Variants in SLC41A3 observed in about 807,000 individuals in gnomAD.
SLC41A3 encodes the protein SLC41A1-like 2.
In SLC41A3, 44 loss-of-function variants were observed where a neutral mutation model predicts 45.4. The observed-to-expected ratio is 0.97, with a 90% confidence interval of 0.76 to 1.25. The LOEUF (loss-of-function observed/expected upper bound fraction) is 1.25. Among genes scored for constraint, SLC41A3 ranks in the 50% most tolerant of loss-of-function variants. The pLI is 0.00. For missense variants in SLC41A3, 550 were observed against 600.6 expected (o/e 0.92, Z 0.88); for synonymous variants, 256 against 252.4 (o/e 1.01, Z -0.13).
chr3:126,100,207 TC>T (rs5852469), intron 1 of SLC41A3, among the ~76,000 whole-genome samples: 93,208 of 151,628 alleles, frequency 0.61, 29,161 homozygotes, highest in African/African-American at 0.73. Context: ...TCCCCCTCCC[TC>T]CCCCTCTTGC....
intron 3 of SLC41A3, among the ~76,000 whole-genome samples, chr3:126,050,615 T>C (rs1340245731): frequency 6.6e-6 from 1 of 152,084 alleles, no homozygotes; most frequent in African/African-American, 2.4e-5. Context: ...TGTGAACGTG[T>C]GATGGGGCTG....
chr3:126,080,766 C>T (rs1246380723), intron 1 of SLC41A3, among the ~76,000 whole-genome samples: 1 of 152,168 alleles, frequency 6.6e-6, no homozygotes, highest in Non-Finnish European at 1.5e-5. Context: ...GCCTGGCCAA[C>T]ATGCCAAAAC....
rs78489305 is a variant in SLC41A3, at chr3:126,065,613, C to T, written c.273+2334G>A. 0.01 allele frequency among the ~76,000 whole-genome samples: 1,588 copies of T among 152,268 alleles called. 59 individuals carry two copies. In the East Asian group the frequency reaches 0.15, roughly 14 times the overall value. ...TCTCTAATATGTGCTGCCCTGTGCA[C>T]GCACATGGGCAGATGGGCACCTGTA... On this transcript the variant is annotated intron_variant, in intron 2 of 10. Transcript: ENST00000360370.
intron 1 of SLC41A3, among the ~76,000 whole-genome samples, chr3:126,070,699 G>C (rs973345904): frequency 6.6e-6 from 1 of 152,094 alleles, no homozygotes; most frequent in Admixed American, 6.6e-5. Flanking sequence ...AACAGACACA[G>C]AGCATTCGTC....
intron 10 of SLC41A3, 38 bp downstream of exon 10, chr3:126,008,694 C>T (rs760228263): frequency 1.2e-6 from 2 of 1,605,374 alleles, no homozygotes; most frequent in South Asian, 1.1e-5. Flanking sequence ...TGGCTGACTA[C>T]ACAGCTGCGC....
At chr3:126,018,952 C>T (rs920396209) in intron 6 of SLC41A3, among the ~76,000 whole-genome samples, 2 of 152,360 alleles carry the variant, frequency 1.3e-5, no homozygotes, top group Non-Finnish European at 2.9e-5. Flanking sequence ...CAGCAGGGTC[C>T]TTCCTGTGGG....
intron 1 of SLC41A3, among the ~76,000 whole-genome samples, chr3:126,101,092 C>G (rs1235370426): frequency 6.6e-6 from 1 of 152,248 alleles, no homozygotes; most frequent in Non-Finnish European, 1.5e-5. Flanking sequence ...GCACACCCCT[C>G]CTTCCCCCGG....
intron 2 of SLC41A3, chr3:126,058,296 C>G (rs1478170319): frequency 6.6e-6 from 1 of 152,298 alleles, no homozygotes; most frequent in Non-Finnish European, 1.5e-5. Flanking sequence ...TCTTCCTCAT[C>G]CGTGATCTCG....
intron 3 of SLC41A3, among the ~76,000 whole-genome samples, chr3:126,046,778 A>G (rs562348743): frequency 2.5e-4 from 38 of 151,738 alleles, no homozygotes; most frequent in African/African-American, 8.5e-4. Flanking sequence ...CCTGGCCAAC[A>G]TGATGAAACC....
In SLC41A3 at chr3:126,026,483, T is replaced by C. The variant is rs1941360507; in HGVS notation, c.454-4A>G. On this transcript the variant is annotated splice_polypyrimidine_tract_variant and splice_region_variant and intron_variant, in intron 4 of 10. Transcript: ENST00000360370. This position sits in a 1 kb window ranked among gnomAD's most constrained non-coding sequence, Gnocchi z 4.2. ...GCCCCACGACAGTGGCCTGCACCTGTTGGACAGAAATCAGAAGCATGAAGG... is the reference window on the plus strand; with the variant it reads ...GCCCCACGACAGTGGCCTGCACCTGCTGGACAGAAATCAGAAGCATGAAGG... The C allele has an allele frequency of 1.3e-6, 2 of 1,599,766 alleles. No individual in the cohort carries two copies. Among genetic ancestry groups the C allele is most frequent in the South Asian group, 1.1e-5 (1 of 88,498 alleles).
chr3:126,015,291 G>T (rs888257347), intron 8 of SLC41A3, among the ~76,000 whole-genome samples: 1 of 152,192 alleles, frequency 6.6e-6, no homozygotes, highest in Admixed American at 6.5e-5. Context: ...TGCGAACAGT[G>T]TGTGGGGCTT....
chr3:126,039,013 C>A (rs1035800729), intron 3 of SLC41A3, among the ~76,000 whole-genome samples: 1 of 152,088 alleles, frequency 6.6e-6, no homozygotes, highest in Non-Finnish European at 1.5e-5. Flanking sequence ...CCTCTCGCTC[C>A]GTCTCTCACC....
chr3:126,070,049 A>C (rs1944542070), intron 1 of SLC41A3, among the ~76,000 whole-genome samples: 2 of 152,208 alleles, frequency 1.3e-5, no homozygotes, highest in Non-Finnish European at 2.9e-5. Context: ...ATATTTGAAA[A>C]ATAATGGGCA....
chr3:126,019,341 C>T (rs763979469), intron 6 of SLC41A3, among the ~76,000 whole-genome samples: 1 of 152,150 alleles, frequency 6.6e-6, no homozygotes, highest in African/African-American at 2.4e-5. Context: ...CTCTTAAAGG[C>T]CCCACTTTTC....
chr3:126,079,335 T>G (rs1299469697), intron 1 of SLC41A3, among the ~76,000 whole-genome samples: 1 of 144,006 alleles, frequency 6.9e-6, no homozygotes, highest in African/African-American at 2.6e-5. Context: ...AGGGGAAAAA[T>G]GATTAATTTA....
At chr3:126,078,464 T>C (rs1944986522) in intron 1 of SLC41A3, among the ~76,000 whole-genome samples, 1 of 151,264 alleles carries the variant, frequency 6.6e-6, no homozygotes, top group Non-Finnish European at 1.5e-5. Flanking sequence ...CGGCCGGCTC[T>C]CCAGGCCCCA....
At chr3:126,008,650 T>A in intron 10 of SLC41A3, 82 bp downstream of exon 10, 26 of 1,520,424 alleles carry the variant, frequency 1.7e-5, no homozygotes, top group African/African-American at 8.3e-5. Context: ...CCCGCCTCCC[T>A]CAGCCTCTCA....
At chr3:126,040,497 G>C (rs974038894) in intron 3 of SLC41A3, among the ~76,000 whole-genome samples, 4 of 152,188 alleles carry the variant, frequency 2.6e-5, no homozygotes, top group Non-Finnish European at 5.9e-5. Flanking sequence ...GCGAGCAGAA[G>C]GGAGCCTGGA....
intron 1 of SLC41A3, among the ~76,000 whole-genome samples, chr3:126,100,226 C>T (rs753918684): frequency 5.3e-5 from 8 of 152,116 alleles, no homozygotes; most frequent in East Asian, 1.9e-4. Context: ...TGCCACGTAC[C>T]GGGCCCTCCT....
Sources: gnomAD v4.1 joint callset for allele counts (sites outside exome capture counted in the v4.1 genomes callset) on GRCh38, gnomAD v4.1.1 for gene constraint, Gnocchi (gnomAD v3.1) non-coding constraint, MANE v1.5 for transcripts, NCBI Gene and HGNC (gene_info 2026-07-23, HGNC 2026-07-21) for gene names.